Variants in BTBD9 observed in about 807,000 individuals in gnomAD.
The protein encoded by BTBD9 is BTB/POZ domain-containing protein 9.
In BTBD9, 49 loss-of-function variants were observed where a neutral mutation model predicts 64.3. The ratio of observed to expected loss-of-function variants is 0.76; its 90% confidence interval spans 0.61 to 0.97. The LOEUF (loss-of-function observed/expected upper bound fraction) is 0.97, where lower values mean the gene tolerates loss of function less well. BTBD9 is among the 50% of genes least tolerant of loss of function. The pLI is 0.00. For synonymous variants in BTBD9, 260 were observed against 274.7 expected (o/e 0.95, Z 0.53); for missense variants, 598 against 762.1 (o/e 0.78, Z 2.53).
intron 6 of BTBD9, among the ~76,000 whole-genome samples, chr6:38,380,903 AATGCATGTTAGAAT>A (rs1293709464): frequency 6.6e-6 from 1 of 152,100 alleles, no homozygotes; most frequent in East Asian, 1.9e-4. Flanking sequence ...GCAAATTAAA[AATGCATGTTAGAAT>A]AGCAAATTAA....
chr6:38,389,335 G>A (rs1321417832), intron 6 of BTBD9, among the ~76,000 whole-genome samples: 1 of 152,006 alleles, frequency 6.6e-6, no homozygotes, highest in Non-Finnish European at 1.5e-5. Context: ...ATACATTACT[G>A]CATCAAAAAA....
At chr6:38,194,255 G>A (rs1172312020) in intron 9 of BTBD9, among the ~76,000 whole-genome samples, 1 of 152,194 alleles carries the variant, frequency 6.6e-6, no homozygotes, top group Non-Finnish European at 1.5e-5. Flanking sequence ...TCCAGCAGGT[G>A]AGGGGAAGTG....
chr6:38,505,324 A>G (rs1772419723), intron 6 of BTBD9, among the ~76,000 whole-genome samples: 1 of 152,166 alleles, frequency 6.6e-6, no homozygotes, highest in Non-Finnish European at 1.5e-5. Context: ...TCAGTTGCCA[A>G]CTTAAAATCC....
chr6:38,426,546 C>A lies in BTBD9; in HGVS notation c.1155-81453G>T, dbSNP rs758432136. Among the ~76,000 whole-genome samples the A allele has an allele frequency of 1.1e-4, 16 of 151,986 alleles. No individual in the cohort carries two copies. In the East Asian group the frequency reaches 1.9e-3, roughly 18 times the overall value. On this transcript the variant is annotated intron_variant, in intron 6 of 10. Coordinates refer to ENST00000481247, the MANE Select transcript of BTBD9 (RefSeq NM_001099272.2). ...CCATCCACCACTGCTGTTTTGCCGC[C>A]GTCGCAGACCCACCGCTGACTTCCA...
At chr6:38,419,088 T>A (rs1202083543) in intron 6 of BTBD9, among the ~76,000 whole-genome samples, 1 of 152,248 alleles carries the variant, frequency 6.6e-6, no homozygotes, top group Non-Finnish European at 1.5e-5. Flanking sequence ...AGTAAATAGC[T>A]GTGTGTTTGT....
intron 6 of BTBD9, among the ~76,000 whole-genome samples, chr6:38,504,790 A>C (rs1198292518): frequency 6.6e-6 from 1 of 152,214 alleles, no homozygotes; most frequent in African/African-American, 2.4e-5. Flanking sequence ...GGGAATGTTC[A>C]TCAATAGTGA....
At chr6:38,274,909 G>A (rs1339249643) in intron 8 of BTBD9, among the ~76,000 whole-genome samples, 2 of 152,046 alleles carry the variant, frequency 1.3e-5, no homozygotes, top group Non-Finnish European at 2.9e-5. Context: ...GAGTTAGGGA[G>A]GATTCCCTCT....
chr6:38,231,147 T>C (rs1763592295), intron 9 of BTBD9, among the ~76,000 whole-genome samples: 1 of 152,234 alleles, frequency 6.6e-6, no homozygotes, highest in South Asian at 2.1e-4. Flanking sequence ...ATGACCTAAC[T>C]TGCATTACTA....
chr6:38,267,450 A>G (rs1318397190), intron 8 of BTBD9, among the ~76,000 whole-genome samples: 1 of 152,214 alleles, frequency 6.6e-6, no homozygotes, highest in Non-Finnish European at 1.5e-5. Flanking sequence ...TCCAACAGGT[A>G]GGGGAGTAGA....
At chr6:38,554,393 G>A (rs1373791978) in intron 6 of BTBD9, among the ~76,000 whole-genome samples, 1 of 152,156 alleles carries the variant, frequency 6.6e-6, no homozygotes, top group Admixed American at 6.5e-5. Context: ...ATAAATGGAA[G>A]TGCCAGCCAC....
chr6:38,457,482 T>C (rs2127346942), intron 6 of BTBD9, among the ~76,000 whole-genome samples: 1 of 148,664 alleles, frequency 6.7e-6, no homozygotes, highest in East Asian at 2.0e-4. Flanking sequence ...AAGAGTTAAT[T>C]TTTTTTTTTT....
At chr6:38,428,711 TTTTC>T (rs1229252443) in intron 6 of BTBD9, among the ~76,000 whole-genome samples, 3 of 151,068 alleles carry the variant, frequency 2.0e-5, no homozygotes, top group Non-Finnish European at 4.4e-5. Context: ...ATTTTTCGTT[TTTTC>T]TTTTTTTTTT....
intron 6 of BTBD9, among the ~76,000 whole-genome samples, chr6:38,450,831 T>C (rs1031558625): frequency 3.3e-5 from 5 of 152,222 alleles, no homozygotes; most frequent in African/African-American, 7.2e-5. Flanking sequence ...ATGTGCATTC[T>C]AACAAGGTCT....
At chr6:38,260,658 T>C (rs1214909479) in intron 8 of BTBD9, among the ~76,000 whole-genome samples, 1 of 152,232 alleles carries the variant, frequency 6.6e-6, no homozygotes, top group African/African-American at 2.4e-5. Flanking sequence ...GCTTATTCTA[T>C]AAAAGTCCTC....
intron 9 of BTBD9, among the ~76,000 whole-genome samples, chr6:38,250,520 G>A (rs1704415189): frequency 6.6e-6 from 1 of 152,132 alleles, no homozygotes; most frequent in Non-Finnish European, 1.5e-5. Context: ...GATCTGTCAT[G>A]AACAATGTTT....
At chr6:38,417,643 A>T (rs1326144889) in intron 6 of BTBD9, among the ~76,000 whole-genome samples, 1 of 152,086 alleles carries the variant, frequency 6.6e-6, no homozygotes, top group Non-Finnish European at 1.5e-5. Context: ...GCATGGTGGC[A>T]CGTGCCTATA....
chr6:38,477,162 T>C (rs1770921076), intron 6 of BTBD9, among the ~76,000 whole-genome samples: 1 of 152,136 alleles, frequency 6.6e-6, no homozygotes. Context: ...GTTGGGGAAA[T>C]GAAATGAGAA....
chr6:38,203,733 G>A (rs987897046), intron 9 of BTBD9, among the ~76,000 whole-genome samples: 3 of 151,864 alleles, frequency 2.0e-5, no homozygotes, highest in African/African-American at 7.3e-5. Context: ...AATGATAGAT[G>A]CCAAAGGGTG....
chr6:38,189,118 T>C (rs986660347), intron 10 of BTBD9, among the ~76,000 whole-genome samples: 4 of 152,176 alleles, frequency 2.6e-5, no homozygotes, highest in African/African-American at 9.7e-5. Flanking sequence ...CCCTGACCCC[T>C]GTTTTTGATG....
Sources: allele counts gnomAD v4.1 joint callset (sites outside exome capture counted in the v4.1 genomes callset), GRCh38; gene constraint gnomAD v4.1.1; transcripts MANE v1.5; gene names NCBI Gene and HGNC (gene_info 2026-07-23, HGNC 2026-07-21).